Variants in SPATS2 observed in about 807,000 individuals in gnomAD.
SPATS2 encodes the protein spermatogenesis-associated serine-rich protein 2.
In SPATS2, 38 loss-of-function variants were observed where a neutral mutation model predicts 63.7. The observed-to-expected ratio is 0.60, with a 90% CI of 0.46 to 0.78. The LOEUF is 0.78. Among genes scored for constraint, SPATS2 ranks in the 30% least tolerant of loss-of-function variants. The pLI is 0.00. For missense variants in SPATS2, 588 were observed against 666.2 expected (o/e 0.88, Z 1.29); for synonymous variants, 207 against 232.9 (o/e 0.89, Z 1.01).
rs1005954856 is a variant in SPATS2, at chr12:49,380,703, C to G, written c.-244+9413C>G. 6.5e-4 allele frequency among the ~76,000 whole-genome samples: 95 copies of G among 146,782 alleles called. 1 individual carries two copies. The highest frequency in any genetic ancestry group is 2.2e-3 in the African/African-American group (86 of 38,686). Reference sequence around the variant, plus strand: ...CCTGGGAGACAGAGCAAGACTCTGCCTCAAAAAAAAAATATATATATATAT... The same window carrying G: ...CCTGGGAGACAGAGCAAGACTCTGCGTCAAAAAAAAAATATATATATATAT... On this transcript the variant is annotated intron_variant, in intron 2 of 13. Coordinates refer to ENST00000552918, the MANE Select transcript of SPATS2 (RefSeq NM_023071.4).
At position 49,526,143 on chromosome 12, in the gene SPATS2, G is replaced by A; in HGVS notation, c.1526G>A (p.Gly509Glu). 6.2e-7 allele frequency: 1 copy of A among 1,614,118 alleles called. No individual in the cohort carries two copies. Among genetic ancestry groups the A allele is most frequent in the Non-Finnish European group, 8.5e-7 (1 of 1,180,038 alleles). Reference sequence around the variant, plus strand: ...GAAAGAGGCCAGACTCACTCTGCAGGGACCAATGGAACTGGAGTCAGCATG... The same window carrying A: ...GAAAGAGGCCAGACTCACTCTGCAGAGACCAATGGAACTGGAGTCAGCATG... The part of the protein sequence containing the change: ...TIERGQTHSA[G>E]TNGTGVSMEP... Residue 509 changes from glycine to glutamate, a missense_variant, in exon 14 of 14, where the codon GGG becomes GAG. Coordinates refer to ENST00000552918, the MANE Select transcript of SPATS2 (RefSeq NM_023071.4).
chr12:49,457,788 G>A (rs546718123), intron 2 of SPATS2, among the ~76,000 whole-genome samples: 1 of 152,208 alleles, frequency 6.6e-6, no homozygotes, highest in African/African-American at 2.4e-5. Flanking sequence ...TGCCACTGAA[G>A]GGTTCAGTTG....
intron 2 of SPATS2, among the ~76,000 whole-genome samples, chr12:49,413,794 C>T (rs1944840001): frequency 6.6e-6 from 1 of 152,010 alleles, no homozygotes; most frequent in Admixed American, 6.6e-5. Flanking sequence ...ACAGACAGGG[C>T]ATCTCCCCCC....
chr12:49,439,155 G>T (rs901125827), intron 2 of SPATS2, among the ~76,000 whole-genome samples: 2 of 152,170 alleles, frequency 1.3e-5, no homozygotes, highest in South Asian at 4.1e-4. Context: ...AGCATTCCAG[G>T]CAGACAGAAT....
intron 2 of SPATS2, among the ~76,000 whole-genome samples, chr12:49,397,976 C>T (rs1219785158): frequency 2.0e-5 from 3 of 150,174 alleles, no homozygotes; most frequent in Non-Finnish European, 4.4e-5. Context: ...ATGGCAAAAC[C>T]CCATCTCTAC....
chr12:49,448,949 G>A (rs1032387856), intron 2 of SPATS2, among the ~76,000 whole-genome samples: 3 of 152,148 alleles, frequency 2.0e-5, no homozygotes, highest in African/African-American at 7.2e-5. Flanking sequence ...TATGGTCTGT[G>A]TTACAACTAT....
intron 2 of SPATS2, chr12:49,387,110 C>T (rs369007606): frequency 6.6e-6 from 1 of 152,106 alleles, no homozygotes; most frequent in Non-Finnish European, 1.5e-5. Flanking sequence ...AGGACACTTA[C>T]TCACCCCCAG....
At chr12:49,487,157 A>G (rs957549811) in intron 4 of SPATS2, among the ~76,000 whole-genome samples, 1 of 152,116 alleles carries the variant, frequency 6.6e-6, no homozygotes, top group Non-Finnish European at 1.5e-5. Flanking sequence ...CTTTAAATGT[A>G]TCTCTCTAAA....
chr12:49,459,112 C>T (rs1015601769), intron 2 of SPATS2, among the ~76,000 whole-genome samples: 2 of 152,010 alleles, frequency 1.3e-5, no homozygotes, highest in Non-Finnish European at 1.5e-5. Flanking sequence ...AAGAAAGTTT[C>T]GTAATTGGGA....
rs1946474655 is a variant in SPATS2 at position 49,497,004 on chromosome 12, A to C, written c.698A>C (p.Lys233Thr). The change falls in exon 8 of 14, where the codon AAG becomes ACG. Residue 233 changes from lysine to threonine, a missense_variant. By Grantham distance (78) the Lys-to-Thr change is moderately conservative. Coordinates refer to ENST00000552918, the MANE Select transcript of SPATS2 (RefSeq NM_023071.4). Reference protein sequence around the residue: ...MEDVPLATSKKLSSNIEKSVK... With the variant: ...MEDVPLATSKTLSSNIEKSVK... ...GATGTTCCCCTCGCCACCAGTAAAA[A>C]GCTAAGTAAGTCAGAGGCCCACCTG... 6.5e-7 allele frequency: 1 copy of C among 1,541,644 alleles called. No homozygotes were observed. Among genetic ancestry groups the C allele is most frequent in the East Asian group, 2.4e-5 (1 of 41,132 alleles).
intron 2 of SPATS2, among the ~76,000 whole-genome samples, chr12:49,440,472 A>AT (rs58209886): frequency 0.28 from 39,536 of 140,350 alleles, 7,187 homozygotes; most frequent in African/African-American, 0.51. Flanking sequence ...CATGGCATTA[A>AT]TTTTTTTTTT....
At chr12:49,486,194 G>A (rs1305615338) in intron 4 of SPATS2, 2 of 451,856 alleles carry the variant, frequency 4.4e-6, no homozygotes, top group South Asian at 3.1e-5. Flanking sequence ...TTTTGTTGTT[G>A]TTGTTGTTGT....
At position 49,485,097 on chromosome 12, in the gene SPATS2, C is replaced by T. The variant is rs528320882; in HGVS notation, c.105+428C>T. 6.4e-4 allele frequency among the ~76,000 whole-genome samples: 94 copies of T among 147,842 alleles called. 1 individual carries two copies. The South Asian group carries it at 0.012, about 19-fold the overall frequency. On this transcript the variant is annotated intron_variant, in intron 4 of 13. Coordinates refer to ENST00000552918, the MANE Select transcript of SPATS2 (RefSeq NM_023071.4). The stretch of plus-strand genomic sequence containing the variant: ...TTTTTTTTTTTTTGAGACGGAGTCT[C>T]GCACTGTCACCCAGGCTGGAGTGCA...
intron 9 of SPATS2, among the ~76,000 whole-genome samples, chr12:49,505,908 G>A (rs1261232933): frequency 6.6e-6 from 1 of 152,178 alleles, no homozygotes; most frequent in Non-Finnish European, 1.5e-5. Context: ...TCATATTACA[G>A]ACAGTTCCCT....
intron 2 of SPATS2, among the ~76,000 whole-genome samples, chr12:49,393,188 C>T (rs1021986521): frequency 1.3e-5 from 2 of 151,314 alleles, no homozygotes; most frequent in Non-Finnish European, 2.9e-5. Context: ...ATAATTAACT[C>T]CCCTGTAGAC....
intron 1 of SPATS2, among the ~76,000 whole-genome samples, chr12:49,370,263 C>T (rs1943975447): frequency 6.6e-6 from 1 of 152,186 alleles, no homozygotes; most frequent in Admixed American, 6.5e-5. Context: ...CTAAAAATTG[C>T]TGCTTTCAGT....
intron 3 of SPATS2, among the ~76,000 whole-genome samples, chr12:49,476,734 G>A (rs996566704): frequency 2.0e-5 from 3 of 152,200 alleles, no homozygotes; most frequent in African/African-American, 7.2e-5. Flanking sequence ...AAGAAGGTTT[G>A]TGAAAGGTGG....
At chr12:49,412,130 A>G (rs1027443874) in intron 2 of SPATS2, among the ~76,000 whole-genome samples, 1 of 152,168 alleles carries the variant, frequency 6.6e-6, no homozygotes, top group East Asian at 1.9e-4. Context: ...ATTTTAAAAC[A>G]CTATAAATTA....
At chr12:49,488,107 C>T (rs1342474901) in intron 4 of SPATS2, among the ~76,000 whole-genome samples, 5 of 151,370 alleles carry the variant, frequency 3.3e-5, no homozygotes, top group East Asian at 2.0e-4. Context: ...TGCAATGGCG[C>T]GATCTCGACT....
Sources: allele counts gnomAD v4.1 joint callset (sites outside exome capture counted in the v4.1 genomes callset), GRCh38; gene constraint gnomAD v4.1.1; transcripts MANE v1.5; gene names NCBI Gene and HGNC (gene_info 2026-07-23, HGNC 2026-07-21).